The following PAPOLA variants were observed in gnomAD, a reference collection of about 807,000 sequenced individuals.
PAPOLA encodes polynucleotide adenylyltransferase alpha.
In PAPOLA, 15 loss-of-function variants were observed where a neutral mutation model predicts 100.6. The observed-to-expected ratio is 0.15, with a 90% CI of 0.10 to 0.23. The LOEUF is 0.23. PAPOLA is among the 10% of genes least tolerant of loss of function. The pLI, the probability that PAPOLA is intolerant of heterozygous loss-of-function variation, is 1.00. For missense variants in PAPOLA, 533 were observed against 884.2 expected, an observed-to-expected ratio of 0.60 and a Z score of 5.04; for synonymous variants, 293 against 300.0, an observed-to-expected ratio of 0.98 and a Z score of 0.24.
intron 1 of PAPOLA, among the ~76,000 whole-genome samples, chr14:96,503,390 CTT>C (rs1010447611): frequency 1.3e-5 from 2 of 150,862 alleles, no homozygotes; most frequent in Non-Finnish European, 3.0e-5. Context: ...AAGCTAGTCT[CTT>C]TATGCTTTCT....
rs538344481 is a variant in PAPOLA at position 96,534,061 on chromosome 14, A to G, written c.837-430A>G. On this transcript the variant is annotated intron_variant, in intron 9 of 21. Coordinates refer to ENST00000216277, the MANE Select transcript of PAPOLA (RefSeq NM_032632.5). The stretch of plus-strand genomic sequence containing the variant: ...TTACCACTTTTAAGTCATGAATTCT[A>G]TAATTATTCATACCCCTTTGCCTGT... The G allele has an allele frequency of 6.9e-5, 68 of 987,132 alleles. No individual in the cohort carries two copies. The African/African-American group carries it at 9.8e-4, about 14-fold the overall frequency. The allele number at this position is 987,132 out of a possible 1,614,324, so 61.1% of individuals were successfully genotyped here.
chr14:96,553,038 A>G (rs184248276), intron 17 of PAPOLA: 1 of 155,468 alleles, frequency 6.4e-6, no homozygotes, highest in East Asian at 1.9e-4. Context: ...TAGAAGAGCT[A>G]GATATCTGTC....
intron 1 of PAPOLA, among the ~76,000 whole-genome samples, chr14:96,504,931 T>C (rs146183542): frequency 6.6e-6 from 1 of 152,278 alleles, no homozygotes; most frequent in East Asian, 1.9e-4. Flanking sequence ...GTGAGTGGCA[T>C]TGGGGCATGG....
At chr14:96,516,074 C>T (rs566083439) in intron 1 of PAPOLA, among the ~76,000 whole-genome samples, 3 of 152,240 alleles carry the variant, frequency 2.0e-5, no homozygotes, top group Admixed American at 2.0e-4. Flanking sequence ...AAAAAGATTC[C>T]TTAAATTGTT....
At chr14:96,544,295 C>A in intron 15 of PAPOLA, 37 bp downstream of exon 15, 1 of 965,624 alleles carries the variant, frequency 1.0e-6, no homozygotes, top group South Asian at 1.4e-5. Flanking sequence ...CACTTCAGTT[C>A]TTGCATATTT....
chr14:96,514,604 G>A (rs187479227), intron 1 of PAPOLA, among the ~76,000 whole-genome samples: 10 of 152,292 alleles, frequency 6.6e-5, no homozygotes, highest in African/African-American at 2.4e-4. Flanking sequence ...ATAGCCAACA[G>A]TCAACAAAAA....
intron 1 of PAPOLA, chr14:96,502,921 T>C: frequency 2.8e-6 from 1 of 361,212 alleles, no homozygotes; most frequent in Non-Finnish European, 5.0e-6. Context: ...ACAAAGAAAA[T>C]CAAAACAACC....
rs114626370 is a variant in PAPOLA, at chr14:96,543,568, T to A, written c.1290-581T>A. Among the ~76,000 whole-genome samples, 1,369 of 151,084 alleles carry A rather than the reference T, an allele frequency of 9.1e-3. 13 individuals are homozygous for A. The highest frequency in any genetic ancestry group is 0.031 in the African/African-American group (1,264 of 41,258). On this transcript the variant is annotated intron_variant, in intron 14 of 21. Coordinates refer to ENST00000216277, the MANE Select transcript of PAPOLA (RefSeq NM_032632.5). ...TTCTTATTGATTATATAGATTTTTT[T>A]ATTTTGTAATTATATAAGAGTTTTT... is the stretch of plus-strand genomic sequence containing the variant.
intron 12 of PAPOLA, among the ~76,000 whole-genome samples, chr14:96,540,802 T>C (rs931891061): frequency 2.0e-5 from 3 of 152,242 alleles, no homozygotes; most frequent in Admixed American, 1.3e-4. Flanking sequence ...GCCAGTAAAA[T>C]GTGTACTATT....
chr14:96,528,941 T>C (rs908759384), intron 6 of PAPOLA, among the ~76,000 whole-genome samples: 1 of 152,178 alleles, frequency 6.6e-6, no homozygotes, highest in Non-Finnish European at 1.5e-5. Context: ...TAATCTGTAA[T>C]ATAAAGTATA....
intron 12 of PAPOLA, among the ~76,000 whole-genome samples, chr14:96,541,103 A>T (rs542164152): frequency 1.5e-4 from 23 of 152,184 alleles, no homozygotes; most frequent in African/African-American, 5.1e-4. Context: ...GTTAGCCAGG[A>T]TGGTCTCATC....
At chr14:96,560,804 G>C in intron 20 of PAPOLA, 93 bp downstream of exon 20, 2 of 865,650 alleles carry the variant, frequency 2.3e-6, no homozygotes, top group Non-Finnish European at 3.7e-6. Context: ...TTGTGCTATA[G>C]GTTTTAGATT....
At position 96,555,850 on chromosome 14, in the gene PAPOLA, A is replaced by G; in HGVS notation, c.1668A>G (p.Arg556=). Residue 556 remains arginine (R), a synonymous_variant, in exon 18 of 22, where the codon AGA becomes AGG. Transcript: ENST00000216277. Reference sequence around the variant, plus strand: ...TTTTTAATTTTTTTTTTTTTAGCAGAAACAGTCCTGCTCCAGCTGTAACAG... The same window carrying G: ...TTTTTAATTTTTTTTTTTTTAGCAGGAACAGTCCTGCTCCAGCTGTAACAG... The part of the protein sequence containing the change: ...PLNSSGSSQG[R]NSPAPAVTAA... 1 of 1,513,762 alleles carries G rather than the reference A, an allele frequency of 6.6e-7. No homozygotes were observed. The highest frequency in any genetic ancestry group is 8.9e-7 in the Non-Finnish European group (1 of 1,120,866). 93.8% of individuals were successfully genotyped at this position (1,513,762 alleles called of 1,614,324 possible).
chr14:96,513,338 G>A (rs1367091187), intron 1 of PAPOLA, among the ~76,000 whole-genome samples: 1 of 152,068 alleles, frequency 6.6e-6, no homozygotes, highest in East Asian at 1.9e-4. Context: ...CAAAGTGACG[G>A]GATTACAGGT....
chr14:96,544,461 T>G (rs182250840), intron 15 of PAPOLA, among the ~76,000 whole-genome samples: 27 of 152,152 alleles, frequency 1.8e-4, no homozygotes, highest in African/African-American at 6.5e-4. Flanking sequence ...GTTTAGGATT[T>G]TTTCAGATTT....
intron 17 of PAPOLA, chr14:96,553,602 T>TC (rs1476361093): frequency 4.6e-5 from 7 of 152,012 alleles, no homozygotes; most frequent in Admixed American, 4.6e-4. Context: ...GACTTCCGCC[T>TC]CCCAGGTTCA....
intron 5 of PAPOLA, 122 bp from the exon 6 acceptor site, chr14:96,527,831 G>A: frequency 1.3e-6 from 1 of 759,784 alleles, no homozygotes; most frequent in South Asian, 1.4e-5. Context: ...TGATCTGTCT[G>A]ATCGAACAGC....
intron 16 of PAPOLA, among the ~76,000 whole-genome samples, chr14:96,550,856 G>A (rs1900794417): frequency 6.6e-6 from 1 of 152,116 alleles, no homozygotes; most frequent in Non-Finnish European, 1.5e-5. Context: ...CTTATAAATA[G>A]CTTCCTTTTA....
chr14:96,507,284 T>TTTGTTTTTG (rs1357450391), intron 1 of PAPOLA, among the ~76,000 whole-genome samples: 2 of 110,756 alleles, frequency 1.8e-5, no homozygotes, highest in African/African-American at 8.5e-5. Flanking sequence ...AAAATAGTTT[T>TTTGTTTTTG]TTTTTTTTTT....
Sources: gnomAD v4.1 joint callset for allele counts (sites outside exome capture counted in the v4.1 genomes callset) on GRCh38, gnomAD v4.1.1 for gene constraint, MANE v1.5 for transcripts, NCBI Gene and HGNC (gene_info 2026-07-23, HGNC 2026-07-21) for gene names.